The following ANKRD44 variants were observed in gnomAD, a reference collection of about 807,000 sequenced individuals.
ANKRD44 encodes the protein ankyrin repeat domain 44.
In ANKRD44, 35 loss-of-function variants were observed where a neutral mutation model predicts 116.0. That is an observed-to-expected ratio of 0.30 (90% confidence interval 0.23 to 0.40). The LOEUF is 0.40. Among genes scored for constraint, ANKRD44 ranks in the 10% least tolerant of loss-of-function variants. The probability of loss-of-function intolerance (pLI) is 1.00; values close to 1 mark genes in which losing one functional copy is unlikely to be tolerated. For missense variants in ANKRD44, 1,014 were observed against 1,242.6 expected, an observed-to-expected ratio of 0.82 and a Z score of 2.77; for synonymous variants, 435 against 461.8, an observed-to-expected ratio of 0.94 and a Z score of 0.74.
chr2:197,097,678 C>A (rs2078193001), intron 10 of ANKRD44, among the ~76,000 whole-genome samples: 1 of 152,228 alleles, frequency 6.6e-6, no homozygotes, highest in Non-Finnish European at 1.5e-5. Flanking sequence ...TTGCAAGAGG[C>A]TGCCAAGTGT....
intron 4 of ANKRD44, chr2:197,134,428 T>G (rs2125380824): frequency 6.6e-6 from 1 of 152,356 alleles, no homozygotes; most frequent in African/African-American, 2.4e-5. Context: ...GCTGGTTACT[T>G]GGAGAAGCAA....
chr2:197,142,873 C>T (rs1346374006), intron 3 of ANKRD44, among the ~76,000 whole-genome samples: 2 of 151,856 alleles, frequency 1.3e-5, no homozygotes, highest in East Asian at 1.9e-4. Flanking sequence ...GATGTGGTGG[C>T]TCATGCCTGT....
intron 3 of ANKRD44, among the ~76,000 whole-genome samples, chr2:197,139,765 C>G (rs2079311635): frequency 6.7e-6 from 1 of 150,030 alleles, no homozygotes; most frequent in African/African-American, 2.5e-5. Context: ...TATTTTCTAA[C>G]AAAATATTTT....
chr2:197,194,433 G>C (rs1307410165), intron 1 of ANKRD44, among the ~76,000 whole-genome samples: 4 of 152,150 alleles, frequency 2.6e-5, no homozygotes, highest in Non-Finnish European at 4.4e-5. Context: ...TTTCTTTTGT[G>C]ATCTCCTGAT....
intron 2 of ANKRD44, among the ~76,000 whole-genome samples, chr2:197,154,217 T>C (rs1304234194): frequency 6.9e-6 from 1 of 145,724 alleles, no homozygotes; most frequent in Admixed American, 6.9e-5. Flanking sequence ...TCTCGCTCTG[T>C]CGCCCAGGCT....
At chr2:197,292,090 T>C (rs1427994069) in intron 1 of ANKRD44, among the ~76,000 whole-genome samples, 1 of 152,238 alleles carries the variant, frequency 6.6e-6, no homozygotes, top group Non-Finnish European at 1.5e-5. Context: ...GACATTTGAA[T>C]TGGTTCCAAG....
intron 21 of ANKRD44, among the ~76,000 whole-genome samples, chr2:197,003,622 G>A (rs925137991): frequency 3.9e-5 from 6 of 152,168 alleles, no homozygotes; most frequent in Non-Finnish European, 8.8e-5. Flanking sequence ...CGGCTTAGGA[G>A]GAGACTGCTC....
chr2:197,172,093 C>T (rs2080251677), intron 2 of ANKRD44, among the ~76,000 whole-genome samples: 1 of 151,240 alleles, frequency 6.6e-6, no homozygotes, highest in African/African-American at 2.4e-5. Flanking sequence ...CTCCACCTCC[C>T]AGCGTCAAGT....
rs531248391 is a variant in ANKRD44 at position 197,185,648 on chromosome 2, T to G, written c.111+1375A>C. On this transcript the variant is annotated intron_variant, in intron 2 of 27. Coordinates refer to ENST00000282272, the MANE Select transcript of ANKRD44 (RefSeq NM_001195144.2). ...TTGACTAAATCATTTTACCTTTCTT[T>G]ATTGAAGGTTTGTTTTTTTGTGTCA... is the stretch of plus-strand genomic sequence containing the variant. Among the ~76,000 whole-genome samples the G allele has an allele frequency of 3.9e-5, 6 of 152,380 alleles. No individual in the cohort carries two copies. The East Asian group carries it at 1.2e-3, about 29-fold the overall frequency.
At position 196,987,736 on chromosome 2, in the gene ANKRD44, A is replaced by G. The variant is rs1258161786; in HGVS notation, c.*1855T>C. Reference sequence around the variant, plus strand: ...AGCAAAGACAGGCAGACACTGGCAAATAAGTAAGTGCAATGAAACATGATC... The same window carrying G: ...AGCAAAGACAGGCAGACACTGGCAAGTAAGTAAGTGCAATGAAACATGATC... On this transcript the variant is annotated 3_prime_UTR_variant, in exon 28 of 28. Coordinates refer to ENST00000282272, the MANE Select transcript of ANKRD44 (RefSeq NM_001195144.2). 2 of 985,322 alleles carry G rather than the reference A, an allele frequency of 2.0e-6. No individual in the cohort carries two copies. The highest frequency in any genetic ancestry group is 1.2e-6 in the Non-Finnish European group (1 of 829,926). The allele number at this position is 985,322 out of a possible 1,614,324, so 61.0% of individuals were successfully genotyped here.
At chr2:197,139,092 T>C (rs192451490) in intron 3 of ANKRD44, among the ~76,000 whole-genome samples, 1 of 152,084 alleles carries the variant, frequency 6.6e-6, no homozygotes, top group Non-Finnish European at 1.5e-5. Context: ...AGAGTGTGAA[T>C]TGGTACAACC....
chr2:197,262,657 A>C (rs550891856), intron 1 of ANKRD44, among the ~76,000 whole-genome samples: 2 of 152,144 alleles, frequency 1.3e-5, no homozygotes, highest in Non-Finnish European at 2.9e-5. Flanking sequence ...TAATCCCAGC[A>C]CTTTGGAAGA....
chr2:197,111,903 C>T (rs1045592670), intron 8 of ANKRD44, among the ~76,000 whole-genome samples: 2 of 152,092 alleles, frequency 1.3e-5, no homozygotes, highest in Non-Finnish European at 2.9e-5. Flanking sequence ...TTTTGAATGA[C>T]CAGCTGGGAA....
chr2:197,213,690 G>C (rs532950049), intron 1 of ANKRD44, among the ~76,000 whole-genome samples: 1 of 152,184 alleles, frequency 6.6e-6, no homozygotes, highest in Non-Finnish European at 1.5e-5. Flanking sequence ...CCTGTACACT[G>C]CTAAGCTCCT....
In ANKRD44 at chr2:197,291,922, T is replaced by A. The variant is rs979416918; in HGVS notation, c.27+18656A>T. Among the ~76,000 whole-genome samples the A allele has an allele frequency of 2.8e-3, 432 of 152,310 alleles. 2 individuals carry two copies. The highest frequency in any genetic ancestry group is 0.01 in the African/African-American group (421 of 41,568). On this transcript the variant is annotated intron_variant, in intron 1 of 27. Transcript: ENST00000282272. ...CCCACCTATGAGTGAGAACATGCAG[T>A]GTTTGCTCTTCTGTCCCTGTGATAG...
rs926039009 is a variant in ANKRD44 at position 196,968,874 on chromosome 2, G to A, written c.2369-1428C>T. ...CCCCCTGTCTATATTCAACCTGTAG[G>A]CAGTCCTCTCATCTGCTGGCCTGGC... On this transcript the variant is annotated intron_variant, in intron 21 of 21. Coordinates refer to the ANKRD44 transcript ENST00000424317. Among the ~76,000 whole-genome samples, 6 of 152,102 alleles carry A rather than the reference G, an allele frequency of 3.9e-5. No homozygotes were observed. In the East Asian group the frequency reaches 1.2e-3, roughly 29 times the overall value.
intron 16 of ANKRD44, among the ~76,000 whole-genome samples, chr2:197,052,959 C>T (rs953251281): frequency 6.6e-6 from 1 of 152,092 alleles, no homozygotes; most frequent in Non-Finnish European, 1.5e-5. Context: ...CACCTGAGGT[C>T]AGGAGTTTGA....
At chr2:197,291,045 C>CA (rs1193746945) in intron 1 of ANKRD44, among the ~76,000 whole-genome samples, 5 of 151,348 alleles carry the variant, frequency 3.3e-5, no homozygotes, top group African/African-American at 4.9e-5. Flanking sequence ...CCTGTCTGTA[C>CA]AAAAAAAACA....
At chr2:196,996,541 T>C (rs1179021098) in intron 25 of ANKRD44, among the ~76,000 whole-genome samples, 2 of 151,952 alleles carry the variant, frequency 1.3e-5, no homozygotes, top group African/African-American at 2.4e-5. Context: ...TCCATGGAGG[T>C]TTCATTCTGA....
Sources: allele counts gnomAD v4.1 joint callset (sites outside exome capture counted in the v4.1 genomes callset), GRCh38; gene constraint gnomAD v4.1.1; transcripts MANE v1.5; gene names NCBI Gene and HGNC (gene_info 2026-07-23, HGNC 2026-07-21).